The following URM1 variants were observed in gnomAD, a reference collection of about 807,000 sequenced individuals.
URM1 encodes ubiquitin-related modifier 1.
A neutral mutation model predicts 17.7 loss-of-function variants in URM1; 11 were observed. That is an observed-to-expected ratio of 0.62 (90% CI 0.39 to 1.03). URM1 has a LOEUF of 1.03. Ranked by LOEUF, URM1 falls within the 50% of genes least tolerant of loss-of-function variation. URM1 has a pLI of 0.00. For missense variants in URM1, 128 were observed against 129.2 expected (o/e 0.99, Z 0.04); for synonymous variants, 48 against 50.6 (o/e 0.95, Z 0.22).
rs1165950754 is a variant in URM1 at position 128,387,168 on chromosome 9, C to T, written c.107-648C>T. On this transcript the variant is annotated intron_variant, in intron 2 of 4. Transcript: ENST00000372853. The surrounding 1 kb of genome is among the most constrained non-coding windows in gnomAD (Gnocchi z 4.3). Reference sequence around the variant, plus strand: ...TAGCTGAGCTGGAGAGGCCCTGTCACCCGAACCTCTGGCCACCGCTGGCGC... The same window carrying T: ...TAGCTGAGCTGGAGAGGCCCTGTCATCCGAACCTCTGGCCACCGCTGGCGC... 6.6e-6 allele frequency among the ~76,000 whole-genome samples: 1 copy of T among 152,238 alleles called. No individual in the cohort carries two copies. Among genetic ancestry groups the T allele is most frequent in the Non-Finnish European group, 1.5e-5 (1 of 68,048 alleles).
chr9:128,382,975 T>A lies in URM1; in HGVS notation c.107-4841T>A, dbSNP rs139393921. ...TAGACATGGCCGCCTCACCTTTCCC[T>A]GCCTGTCTTCCCCTGTCCTGCCTTT... On this transcript the variant is annotated intron_variant, in intron 2 of 4. Coordinates refer to ENST00000372853, the MANE Select transcript of URM1 (RefSeq NM_030914.4). Among the ~76,000 whole-genome samples the A allele has an allele frequency of 8.9e-3, 1,355 of 152,292 alleles. 21 individuals are homozygous for A. Among genetic ancestry groups the A allele is most frequent in the South Asian group, 0.075 (364 of 4,832 alleles).
At chr9:128,389,196 C>G (rs757947279) in intron 3 of URM1, 65 bp from the exon 4 acceptor site, 23 of 1,537,742 alleles carry the variant, frequency 1.5e-5, no homozygotes, top group Non-Finnish European at 1.7e-5. Flanking sequence ...CTCTCAGCCT[C>G]TCTTCCTCTG....
At position 128,387,550 on chromosome 9, in the gene URM1, C is replaced by A. The variant is rs751802471; in HGVS notation, c.107-266C>A. ...TCCCGCCGTCTGCCTTGAATCCCCC[C>A]ACTATAGGTAAATCCCATTGCCTCT... On this transcript the variant is annotated intron_variant, in intron 2 of 4. Coordinates refer to ENST00000372853, the MANE Select transcript of URM1 (RefSeq NM_030914.4). The surrounding 1 kb of genome is among the most constrained non-coding windows in gnomAD (Gnocchi z 4.3). Among the ~76,000 whole-genome samples, 5 of 152,194 alleles carry A rather than the reference C, an allele frequency of 3.3e-5. No homozygotes were observed. The highest frequency in any genetic ancestry group is 9.7e-5 in the African/African-American group (4 of 41,440).
chr9:128,389,136 G>A (rs1792793565), intron 3 of URM1, 125 bp from the exon 4 acceptor site: 3 of 1,481,138 alleles, frequency 2.0e-6, no homozygotes, highest in South Asian at 2.8e-5. Flanking sequence ...GATATCTTTA[G>A]CCAGACCCCA....
rs756996614 is a variant in URM1 at position 128,378,073 on chromosome 9, C to T, written c.73C>T (p.His25Tyr). ...AELLFDGIKKHRVTLPGQEEP... is the reference protein window; with the variant it reads ...AELLFDGIKKYRVTLPGQEEP... ...GCTCCTGTTTGACGGTATTAAGAAACATCGAGTCACTTTGCCTGGACAGGA... is the reference window on the plus strand; with the variant it reads ...GCTCCTGTTTGACGGTATTAAGAAATATCGAGTCACTTTGCCTGGACAGGA... The change falls in exon 2 of 5, where the codon CAT becomes TAT. Residue 25 changes from histidine (H) to tyrosine (Y), a missense_variant. Coordinates refer to ENST00000372853, the MANE Select transcript of URM1 (RefSeq NM_030914.4). 1.2e-6 allele frequency: 2 copies of T among 1,611,118 alleles called. No individual in the cohort carries two copies. The highest frequency in any genetic ancestry group is 1.7e-6 in the Non-Finnish European group (2 of 1,178,730).
intron 1 of URM1, among the ~76,000 whole-genome samples, chr9:128,375,241 T>A (rs920446901): frequency 2.6e-5 from 4 of 152,192 alleles, no homozygotes; most frequent in African/African-American, 9.7e-5. Context: ...ATGCCAGGCC[T>A]CATGGACTCT....
chr9:128,376,308 G>A (rs1017781600), intron 1 of URM1, among the ~76,000 whole-genome samples: 2 of 152,152 alleles, frequency 1.3e-5, no homozygotes, highest in African/African-American at 2.4e-5. Flanking sequence ...GTTGTATCAA[G>A]CTGAGATCAC....
At chr9:128,377,360 C>T (rs1459706255) in intron 1 of URM1, among the ~76,000 whole-genome samples, 1 of 152,104 alleles carries the variant, frequency 6.6e-6, no homozygotes, top group East Asian at 1.9e-4. Flanking sequence ...GACTCCATCT[C>T]TACAAAAAAT....
At position 128,391,865 on chromosome 9, in the gene URM1, A is replaced by C. The variant is rs1833321017; in HGVS notation, c.*2131A>C. On this transcript the variant is annotated 3_prime_UTR_variant, in exon 5 of 5. Coordinates refer to ENST00000372853, the MANE Select transcript of URM1 (RefSeq NM_030914.4). ...GGCCATGTCCAAGGCACACCAGACGATTTCAGGTCATTTTTAGCCCTAGAC... is the reference window on the plus strand; with the variant it reads ...GGCCATGTCCAAGGCACACCAGACGCTTTCAGGTCATTTTTAGCCCTAGAC... The C allele has an allele frequency of 6.6e-6, 1 of 152,160 alleles. No homozygotes were observed. The highest frequency in any genetic ancestry group is 6.5e-5 in the Admixed American group (1 of 15,278). The allele number at this position is 152,160 out of a possible 1,614,324, so 9.4% of individuals were successfully genotyped here.
chr9:128,389,464 G>A, intron 4 of URM1, 155 bp downstream of exon 4: 1 of 1,568,346 alleles, frequency 6.4e-7, no homozygotes, highest in Non-Finnish European at 8.7e-7. Context: ...CCCACTCCAG[G>A]TGAGGAAGGG....
At chr9:128,377,259 G>T (rs1191672202) in intron 1 of URM1, among the ~76,000 whole-genome samples, 1 of 152,120 alleles carries the variant, frequency 6.6e-6, no homozygotes, top group Admixed American at 6.6e-5. Context: ...GGGCAGAGTG[G>T]CTTGTGCCTG....
rs897147747 is a variant in URM1 at position 128,371,435 on chromosome 9, C to T, written c.35+20C>T. 2.0e-5 allele frequency: 32 copies of T among 1,610,450 alleles called. No individual in the cohort carries two copies. The Admixed American group carries it at 4.2e-4, about 21-fold the overall frequency. ...GTTCGGGTGAGTCACAGAGCTGGGG[C>T]GCCGTGGGGATGGATTGAAGTCGTC... On this transcript the variant is annotated intron_variant, in intron 1 of 4. Transcript: ENST00000372853.
Position 128,378,133 on chromosome 9 carries a change from T to C in URM1, c.106+27T>C, listed in dbSNP as rs945804781. 3.9e-6 allele frequency: 6 copies of C among 1,535,752 alleles called. No homozygotes were observed. In the Admixed American group the frequency reaches 8.9e-5, roughly 23 times the overall value. ...TGAGTATTGGCTTTCTGAACCCCTC[T>C]CTTGGGGCCATTGAACAGGAGTTGG... is the stretch of plus-strand genomic sequence containing the variant. On this transcript the variant is annotated intron_variant, in intron 2 of 4. Coordinates refer to ENST00000372853, the MANE Select transcript of URM1 (RefSeq NM_030914.4).
Position 128,383,489 on chromosome 9 carries a change from C to T in URM1, c.107-4327C>T, listed in dbSNP as rs187016084. On this transcript the variant is annotated intron_variant, in intron 2 of 4. Transcript: ENST00000372853. ...TTGGTGGGGACAGAGGCAGTTTAAC[C>T]TGTGGAAGAGAAGACTTAGGGGATC... 7.6e-4 allele frequency among the ~76,000 whole-genome samples: 116 copies of T among 152,300 alleles called. 3 individuals are homozygous for T. Among genetic ancestry groups the T allele is most frequent in the African/African-American group, 2.5e-3 (103 of 41,560 alleles).
rs113908554 is a variant in URM1 at position 128,372,274 on chromosome 9, G to C, written c.35+859G>C. Among the ~76,000 whole-genome samples the C allele has an allele frequency of 1.3e-3, 201 of 151,608 alleles. 1 individual carries two copies. The highest frequency in any genetic ancestry group is 6.8e-3 in the Middle Eastern group (2 of 294). ...AAAGAGGAAATAGGTAGGGATGTGT[G>C]TGTGTGTGTGTGGAATAGGTAGGTG... On this transcript the variant is annotated intron_variant, in intron 1 of 4. Coordinates refer to ENST00000372853, the MANE Select transcript of URM1 (RefSeq NM_030914.4).
intron 2 of URM1, among the ~76,000 whole-genome samples, chr9:128,380,640 T>C (rs985483756): frequency 2.1e-5 from 3 of 142,894 alleles, no homozygotes; most frequent in Non-Finnish European, 4.6e-5. Flanking sequence ...TTTTCTTTTC[T>C]TTTTTTTTTT....
At chr9:128,371,440 T>C (rs1329361360) in intron 1 of URM1, 25 bp downstream of exon 1, 1 of 1,609,590 alleles carries the variant, frequency 6.2e-7, no homozygotes, top group East Asian at 2.2e-5. Flanking sequence ...TGGGGCGCCG[T>C]GGGGATGGAT....
intron 1 of URM1, 102 bp downstream of exon 1, chr9:128,371,517 G>C: frequency 8.2e-7 from 1 of 1,221,806 alleles, no homozygotes; most frequent in Non-Finnish European, 1.2e-6. Context: ...ATCACTGGGT[G>C]TCCCAGTGCC....
intron 2 of URM1, among the ~76,000 whole-genome samples, chr9:128,385,823 T>C (rs1171489950): frequency 6.6e-6 from 1 of 151,184 alleles, no homozygotes; most frequent in East Asian, 1.9e-4. Context: ...CGAGTGGCGA[T>C]GCGGTAGCCT....
Sources: allele counts gnomAD v4.1 joint callset (sites outside exome capture counted in the v4.1 genomes callset), GRCh38; gene constraint gnomAD v4.1.1; non-coding constraint Gnocchi (gnomAD v3.1); transcripts MANE v1.5; gene names NCBI Gene and HGNC (gene_info 2026-07-23, HGNC 2026-07-21).